The following LTBP3 variants were observed in gnomAD, a reference collection of about 807,000 sequenced individuals.
LTBP3 encodes latent transforming growth factor beta binding protein 3.
In LTBP3, 97 loss-of-function variants were observed where a neutral mutation model predicts 159.7. The observed-to-expected ratio is 0.61, with a 90% confidence interval of 0.52 to 0.72. The LOEUF is 0.72. Ranked by LOEUF, LTBP3 falls within the 30% of genes least tolerant of loss-of-function variation. The pLI, the probability that LTBP3 is intolerant of heterozygous loss-of-function variation, is 0.00. For missense variants in LTBP3, 1,584 were observed against 1,864.3 expected (o/e 0.85, Z 2.77); for synonymous variants, 824 against 777.1 (o/e 1.06, Z -1.00).
In LTBP3 at chr11:65,541,603, C is replaced by G. The variant is rs528432144; in HGVS notation, c.2722G>C (p.Glu908Gln). 3.0e-5 allele frequency: 48 copies of G among 1,614,058 alleles called. No individual in the cohort carries two copies. Among genetic ancestry groups the G allele is most frequent in the Non-Finnish European group, 3.9e-5 (46 of 1,180,028 alleles). Residue 908 changes from glutamate to glutamine, a missense_variant, in exon 19 of 28, where the codon GAG becomes CAG. By Grantham distance (29) the Glu-to-Gln change is conservative. Coordinates refer to ENST00000301873, the MANE Select transcript of LTBP3 (RefSeq NM_001130144.3). ...FTPTQDQHGC[E>Q]EVEQPHHKKE... Reference sequence around the variant, plus strand: ...GAGGAGCTGGGAGGACACTCACCCTCACAACCGTGCTGGTCCTGGGTGGGA... The same window carrying G: ...GAGGAGCTGGGAGGACACTCACCCTGACAACCGTGCTGGTCCTGGGTGGGA...
At chr11:65,551,770 C>T (rs1856622401) in intron 8 of LTBP3, 2 of 898,894 alleles carry the variant, frequency 2.2e-6, no homozygotes, top group Non-Finnish European at 3.6e-6. Context: ...GGTTACAGGT[C>T]AGGCTGTAGA....
At position 65,539,767 on chromosome 11, in the gene LTBP3, C is replaced by T; in HGVS notation, c.3500G>A (p.Gly1167Asp). 1 of 1,545,572 alleles carries T rather than the reference C, an allele frequency of 6.5e-7. No homozygotes were observed. Among genetic ancestry groups the T allele is most frequent in the Non-Finnish European group, 8.7e-7 (1 of 1,152,834 alleles). The change falls in exon 25 of 28, where the codon GGC becomes GAC. Residue 1167 changes from glycine (G) to aspartate (D), a missense_variant. Transcript: ENST00000301873. ...LTFDDCCCRQGRGWGAQCRPC... is the reference protein window; with the variant it reads ...LTFDDCCCRQDRGWGAQCRPC... Reference sequence around the variant, plus strand: ...TCGGCATTGGGCGCCCCAGCCGCGGCCCTGGCGGCAGCAGCAGTCGTCGAA... The same window carrying T: ...TCGGCATTGGGCGCCCCAGCCGCGGTCCTGGCGGCAGCAGCAGTCGTCGAA...
At chr11:65,557,500 C>T (rs938176195) in intron 1 of LTBP3, 129 bp downstream of exon 1, 10 of 1,306,948 alleles carry the variant, frequency 7.7e-6, no homozygotes, top group Middle Eastern at 2.5e-4. Context: ...GCCCCTGGTC[C>T]CCCAGGCCCT....
In LTBP3 at chr11:65,547,288, G is replaced by A; in HGVS notation, c.2107+151C>T. The stretch of plus-strand genomic sequence containing the variant: ...GAACCCGGGAGGCGGAGGTTGCAGT[G>A]AGCCAAGATCTCACCACCGCACTCC... On this transcript the variant is annotated intron_variant, in intron 14 of 27. Coordinates refer to ENST00000301873, the MANE Select transcript of LTBP3 (RefSeq NM_001130144.3). The surrounding 1 kb of genome is among the most constrained non-coding windows in gnomAD (Gnocchi z 4.6). The A allele has an allele frequency of 1.1e-6, 1 of 930,328 alleles. No individual in the cohort carries two copies. Among genetic ancestry groups the A allele is most frequent in the South Asian group, 1.6e-5 (1 of 63,298 alleles). 57.6% of individuals were successfully genotyped at this position (930,328 alleles called of 1,614,324 possible).
At chr11:65,539,675 G>A (rs773471184) in intron 25 of LTBP3, 45 bp downstream of exon 25, 3 of 1,583,620 alleles carry the variant, frequency 1.9e-6, no homozygotes, top group South Asian at 2.3e-5. Flanking sequence ...CCCGGGCCCT[G>A]GCCCCCATCC....
rs1856385720 is a variant in LTBP3, at chr11:65,546,691, G to T, written c.2230+107C>A. ...GCAGCCTCTACTCCCGGAAGGCCCC[G>T]CCCCCAGACGCCAATCACCACCGCT... On this transcript the variant is annotated intron_variant, in intron 15 of 27. Coordinates refer to ENST00000301873, the MANE Select transcript of LTBP3 (RefSeq NM_001130144.3). The surrounding 1 kb of genome is among the most constrained non-coding windows in gnomAD (Gnocchi z 4.0). 1 of 1,526,282 alleles carries T rather than the reference G, an allele frequency of 6.6e-7. No individual in the cohort carries two copies. The highest frequency in any genetic ancestry group is 8.8e-7 in the Non-Finnish European group (1 of 1,136,580). 94.5% of individuals were successfully genotyped at this position (1,526,282 alleles called of 1,614,324 possible).
intron 19 of LTBP3, 63 bp from the exon 20 acceptor site, chr11:65,541,356 C>G: frequency 6.3e-7 from 1 of 1,575,510 alleles, no homozygotes; most frequent in Non-Finnish European, 8.6e-7. Context: ...CCACCCTGCC[C>G]ACCCACCACA....
Position 65,552,180 on chromosome 11 carries a change from A to T in LTBP3, c.1346-23T>A. On this transcript the variant is annotated intron_variant, in intron 7 of 27. Coordinates refer to ENST00000301873, the MANE Select transcript of LTBP3 (RefSeq NM_001130144.3). This position sits in a 1 kb window ranked among gnomAD's most constrained non-coding sequence, Gnocchi z 6.0. ...CAGCTGCAGTCAAGACAGCAGACAC[A>T]AAAGTGAGCATTTCCTGGACAGGTG... 2 of 1,614,168 alleles carry T rather than the reference A, an allele frequency of 1.2e-6. No individual in the cohort carries two copies. Among genetic ancestry groups the T allele is most frequent in the Non-Finnish European group, 1.7e-6 (2 of 1,180,002 alleles).
chr11:65,553,745 T>TGGGCCGTC lies in LTBP3; in HGVS notation c.819_820insGACGGCCC (p.Lys274AspfsTer117). 6.3e-7 allele frequency: 1 copy of TGGGCCGTC among 1,579,028 alleles called. No individual in the cohort carries two copies. Among genetic ancestry groups the TGGGCCGTC allele is most frequent in the Non-Finnish European group, 8.5e-7 (1 of 1,170,384 alleles). Reference sequence around the variant, plus strand: ...TCCTGAAAGCAGCGGCCCAGGGGCTTCTGGGTGGGCGGCCGGGGGTGCGAG... The same window carrying TGGGCCGTC: ...TCCTGAAAGCAGCGGCCCAGGGGCTTGGGCCGTCCTGGGTGGGCGGCCGGGGGTGCGAG... On this transcript the variant is annotated frameshift_variant, in exon 3 of 28. Coordinates refer to ENST00000301873, the MANE Select transcript of LTBP3 (RefSeq NM_001130144.3). LOFTEE classifies it high-confidence loss of function. This position sits in a 1 kb window ranked among gnomAD's most constrained non-coding sequence, Gnocchi z 6.5.
At chr11:65,539,944 C>A (rs1461064766) in intron 24 of LTBP3, 63 bp from the exon 25 acceptor site, 2 of 1,465,104 alleles carry the variant, frequency 1.4e-6, no homozygotes, top group Non-Finnish European at 1.8e-6. Flanking sequence ...CTCCGCCCCA[C>A]CCCACCTGCG....
At position 65,538,695 on chromosome 11, in the gene LTBP3, C is replaced by CTAT. The variant is rs1855871956; in HGVS notation, c.*382_*384dup. On this transcript the variant is annotated 3_prime_UTR_variant, in exon 28 of 28. Transcript: ENST00000301873. ...TACATAATCAGAGCCACAATAAATTCTATTTCACACCCCTTGTGCCGGGCT... is the reference window on the plus strand; with the variant it reads ...TACATAATCAGAGCCACAATAAATTCTATTATTTCACACCCCTTGTGCCGGGCT... 8.3e-7 allele frequency: 1 copy of CTAT among 1,208,862 alleles called. No individual in the cohort carries two copies. The highest frequency in any genetic ancestry group is 2.6e-5 in the East Asian group (1 of 38,844). The allele number at this position is 1,208,862 out of a possible 1,614,324, so 74.9% of individuals were successfully genotyped here. A position where few individuals can be genotyped will look rare whatever the true frequency, so the allele number is the denominator to read the frequency against.
chr11:65,541,273 TGTG>T lies in LTBP3; in HGVS notation c.2743_2745del (p.His915del), dbSNP rs1280582423. 4 of 1,612,276 alleles carry T rather than the reference TGTG, an allele frequency of 2.5e-6. No homozygotes were observed. The highest frequency in any genetic ancestry group is 3.4e-6 in the Non-Finnish European group (4 of 1,179,966). ...TCGAAGTTCAGGTAGCACTCCTTCT[TGTG>T]GTGGGGCTGCTCCACCTCTGAGGGG... On this transcript the variant is annotated inframe_deletion, in exon 20 of 28. Coordinates refer to ENST00000301873, the MANE Select transcript of LTBP3 (RefSeq NM_001130144.3).
chr11:65,547,632 G>A lies in LTBP3; in HGVS notation c.1978+58C>T. 3.7e-6 allele frequency: 6 copies of A among 1,609,174 alleles called. No individual in the cohort carries two copies. The highest frequency in any genetic ancestry group is 4.2e-6 in the Non-Finnish European group (5 of 1,178,500). On this transcript the variant is annotated intron_variant, in intron 13 of 27. Transcript: ENST00000301873. The surrounding 1 kb of genome is among the most constrained non-coding windows in gnomAD (Gnocchi z 4.6). ...CGGCGGGCAAGGGGAGGGATTACACGGCGGTCTGGAGGAGAGCCCGTCCCA... is the reference window on the plus strand; with the variant it reads ...CGGCGGGCAAGGGGAGGGATTACACAGCGGTCTGGAGGAGAGCCCGTCCCA...
chr11:65,549,648 G>C (rs1384598860), intron 11 of LTBP3, among the ~76,000 whole-genome samples: 1 of 114,112 alleles, frequency 8.8e-6, no homozygotes, highest in African/African-American at 3.5e-5. Context: ...TCAATCTCTT[G>C]ACCTCGTGAT....
chr11:65,551,372 GA>G, intron 10 of LTBP3, 29 bp downstream of exon 10: 1 of 1,608,928 alleles, frequency 6.2e-7, no homozygotes, highest in Non-Finnish European at 8.5e-7. Flanking sequence ...TTTAGCCCTT[GA>G]GGACTCATCC....
Position 65,554,151 on chromosome 11 carries a change from G to A in LTBP3, c.561C>T (p.Ala187=), listed in dbSNP as rs772833011. ...DSVASKHAIY[A]VQVIADPPGP... ...CAGGAGGGTCAGCGATCACCTGGACGGCGTAGATGGCGTGCTTGCTGGCCA... is the reference window on the plus strand; with the variant it reads ...CAGGAGGGTCAGCGATCACCTGGACAGCGTAGATGGCGTGCTTGCTGGCCA... The change falls in exon 2 of 28, where the codon GCC becomes GCT. Residue 187 remains alanine, a synonymous_variant. Transcript: ENST00000301873. This position sits in a 1 kb window ranked among gnomAD's most constrained non-coding sequence, Gnocchi z 5.3. The A allele has an allele frequency of 6.8e-6, 11 of 1,611,916 alleles. No homozygotes were observed. The highest frequency in any genetic ancestry group is 1.6e-4 in the Middle Eastern group (1 of 6,082).
rs1388876757 is a variant in LTBP3, at chr11:65,539,065, G to GCGGCGTCGGCGGCGT, written c.3912_*14dup. 13 of 1,361,594 alleles carry GCGGCGTCGGCGGCGT rather than the reference G, an allele frequency of 9.5e-6. No individual in the cohort carries two copies. In the Admixed American group the frequency reaches 2.9e-4, roughly 30 times the overall value. 84.3% of individuals were successfully genotyped at this position (1,361,594 alleles called of 1,614,324 possible). A position where few individuals can be genotyped will look rare whatever the true frequency, so the allele number is the denominator to read the frequency against. On this transcript the variant is annotated 3_prime_UTR_variant, in exon 28 of 28. Coordinates refer to ENST00000301873, the MANE Select transcript of LTBP3 (RefSeq NM_001130144.3). The stretch of plus-strand genomic sequence containing the variant: ...GTGATCACCGAGGTCTGGGCCGAGG[G>GCGGCGTCGGCGGCGT]CGGCGTCGGCGGCGTCAGCGGCGGC...
chr11:65,551,601 G>T lies in LTBP3; in HGVS notation c.1532-37C>A, dbSNP rs1349005113. ...GAAGATGGGGCCATGAAGTGTTGGG[G>T]CGGGAGAAGGGAGTCAGATCTGGGA... On this transcript the variant is annotated intron_variant, in intron 8 of 27. Coordinates refer to ENST00000301873, the MANE Select transcript of LTBP3 (RefSeq NM_001130144.3). The T allele has an allele frequency of 4.3e-6, 7 of 1,613,854 alleles. No homozygotes were observed. The South Asian group carries it at 7.7e-5, about 18-fold the overall frequency.
In LTBP3 at chr11:65,557,645, G is replaced by GC; in HGVS notation, c.314dup (p.Ser106LeufsTer88). 1.2e-6 allele frequency: 2 copies of GC among 1,610,522 alleles called. No individual in the cohort carries two copies. The highest frequency in any genetic ancestry group is 1.7e-6 in the Non-Finnish European group (2 of 1,179,866). On this transcript the variant is annotated frameshift_variant, in exon 1 of 28. Coordinates refer to ENST00000301873, the MANE Select transcript of LTBP3 (RefSeq NM_001130144.3). LOFTEE classifies it high-confidence loss of function. Reference sequence around the variant, plus strand: ...GGCCCTCACCCACGCGGAAGCCGGAGCCCGTGAGCGTGTCTGTGCTGTGGC... The same window carrying GC: ...GGCCCTCACCCACGCGGAAGCCGGAGCCCCGTGAGCGTGTCTGTGCTGTGGC...
Sources: gnomAD v4.1 joint callset for allele counts (sites outside exome capture counted in the v4.1 genomes callset) on GRCh38, gnomAD v4.1.1 for gene constraint, Gnocchi (gnomAD v3.1) non-coding constraint, MANE v1.5 for transcripts, NCBI Gene and HGNC (gene_info 2026-07-23, HGNC 2026-07-21) for gene names.